Variants in TDP1 observed in about 807,000 individuals in gnomAD.
The protein encoded by TDP1 is tyrosyl-DNA phosphodiesterase 1, also known as tyr-DNA phosphodiesterase 1.
TDP1 carries 64 observed loss-of-function variants against 81.5 expected under a neutral mutation model. That is an observed-to-expected ratio of 0.79 (90% CI 0.64 to 0.97). The LOEUF is 0.97. Among genes scored for constraint, TDP1 ranks in the 50% least tolerant of loss-of-function variants. The pLI, the probability that TDP1 is intolerant of heterozygous loss-of-function variation, is 0.00. For synonymous variants in TDP1, 256 were observed against 264.3 expected (o/e 0.97, Z 0.30); for missense variants, 723 against 743.8 (o/e 0.97, Z 0.33).
intron 6 of TDP1, among the ~76,000 whole-genome samples, chr14:89,971,947 C>T (rs35666995): frequency 0.03 from 4,498 of 152,072 alleles, 101 homozygotes; most frequent in African/African-American, 0.062. Flanking sequence ...AAGGTCTAAA[C>T]AGGAGAGACC....
Position 90,020,222 on chromosome 14 carries a change from T to A in TDP1, c.1644+804T>A, listed in dbSNP as rs150131854. On this transcript the variant is annotated intron_variant, in intron 15 of 16. Transcript: ENST00000335725. ...GAATCACGCTTGACCCAGAGAGATA[T>A]TCTCACCATAAGAGGCACATGGACT... Among the ~76,000 whole-genome samples, 371 of 152,202 alleles carry A rather than the reference T, an allele frequency of 2.4e-3. 1 individual carries two copies. Among genetic ancestry groups the A allele is most frequent in the Admixed American group, 4.2e-3 (64 of 15,300 alleles).
In TDP1 at chr14:90,043,063, C is replaced by A. The variant is rs1266629961; in HGVS notation, c.1754-7C>A. The A allele has an allele frequency of 1.2e-6, 2 of 1,614,042 alleles. No homozygotes were observed. The highest frequency in any genetic ancestry group is 1.7e-6 in the Non-Finnish European group (2 of 1,179,980). On this transcript the variant is annotated splice_polypyrimidine_tract_variant and splice_region_variant and intron_variant, in intron 16 of 16. Coordinates refer to ENST00000335725, the MANE Select transcript of TDP1 (RefSeq NM_018319.4). ...AATAAATATTACGTAATGTGTTTTT[C>A]CCCCAGATCGGCCATGGATATGGAA... is the stretch of plus-strand genomic sequence containing the variant.
At chr14:90,025,262 G>A (rs1193761831) in intron 15 of TDP1, among the ~76,000 whole-genome samples, 1 of 152,212 alleles carries the variant, frequency 6.6e-6, no homozygotes, top group Admixed American at 6.5e-5. Flanking sequence ...GCCGTGTGAT[G>A]TGACACTACT....
rs572401090 is a variant in TDP1 at position 90,011,022 on chromosome 14, G to C, written c.1542-8294G>C. Reference sequence around the variant, plus strand: ...CTGGTGGGAGGTAATTCAGTCATGGGGGTGGGTTTTCCTGTGCTGTTCTCA... The same window carrying C: ...CTGGTGGGAGGTAATTCAGTCATGGCGGTGGGTTTTCCTGTGCTGTTCTCA... On this transcript the variant is annotated intron_variant, in intron 14 of 16. Transcript: ENST00000335725. 2.0e-5 allele frequency among the ~76,000 whole-genome samples: 3 copies of C among 152,234 alleles called. No homozygotes were observed. In the East Asian group the frequency reaches 5.8e-4, roughly 29 times the overall value.
At chr14:90,013,446 G>A (rs1488050287) in intron 14 of TDP1, among the ~76,000 whole-genome samples, 3 of 152,052 alleles carry the variant, frequency 2.0e-5, no homozygotes, top group Admixed American at 6.5e-5. Flanking sequence ...TTTTATAAAG[G>A]GCAGTTCCCT....
intron 15 of TDP1, chr14:90,022,892 A>G: frequency 1.2e-6 from 1 of 846,448 alleles, no homozygotes; most frequent in Non-Finnish European, 1.8e-6. Context: ...TGTGAAGGAG[A>G]GGCTGTCCAA....
intron 15 of TDP1, among the ~76,000 whole-genome samples, chr14:90,031,148 T>C (rs1596704387): frequency 6.6e-6 from 1 of 152,094 alleles, no homozygotes; most frequent in East Asian, 1.9e-4. Flanking sequence ...AGGGTACATG[T>C]GCACAATGTG....
intron 5 of TDP1, among the ~76,000 whole-genome samples, chr14:89,969,196 G>A (rs760079310): frequency 9.2e-5 from 14 of 152,184 alleles, no homozygotes; most frequent in Non-Finnish European, 2.1e-4. Context: ...CTCCCAGTTT[G>A]TGGTGCTTTG....
chr14:90,003,150 C>A (rs1274247884), intron 14 of TDP1, among the ~76,000 whole-genome samples: 2 of 152,110 alleles, frequency 1.3e-5, no homozygotes, highest in African/African-American at 2.4e-5. Flanking sequence ...ATTGGCCAGG[C>A]TGGTCTCGAA....
chr14:89,973,046 C>A (rs1025415275), intron 6 of TDP1, among the ~76,000 whole-genome samples: 1 of 150,306 alleles, frequency 6.7e-6, no homozygotes, highest in African/African-American at 2.5e-5. Flanking sequence ...TAATACAGTA[C>A]AAGAGCTCAA....
intron 16 of TDP1, among the ~76,000 whole-genome samples, chr14:90,039,686 AAG>A (rs912668671): frequency 1.3e-5 from 2 of 152,050 alleles, no homozygotes; most frequent in African/African-American, 4.8e-5. Context: ...AAAAAAAAAA[AAG>A]AAACTGTTAA....
At chr14:89,971,481 G>A (rs1295085740) in intron 6 of TDP1, among the ~76,000 whole-genome samples, 2 of 152,088 alleles carry the variant, frequency 1.3e-5, no homozygotes, top group Non-Finnish European at 2.9e-5. Context: ...CTTTTTGTGG[G>A]CCTGAAGTCT....
chr14:89,992,478 T>G (rs2140133974), intron 13 of TDP1, among the ~76,000 whole-genome samples: 1 of 152,304 alleles, frequency 6.6e-6, no homozygotes, highest in East Asian at 1.9e-4. Context: ...CCACAGCAGT[T>G]GCACAGCCTG....
intron 8 of TDP1, chr14:89,981,664 T>A: frequency 3.2e-6 from 1 of 315,722 alleles, no homozygotes; most frequent in Non-Finnish European, 6.2e-6. Context: ...TCAGCTAAGC[T>A]CTGCTGAGCC....
intron 3 of TDP1, 51 bp from the exon 4 acceptor site, chr14:89,966,096 G>T: frequency 1.6e-6 from 2 of 1,266,484 alleles, no homozygotes; most frequent in South Asian, 2.4e-5. Flanking sequence ...TGATTATTAT[G>T]ACTAGAGGAT....
intron 1 of TDP1, 147 bp downstream of exon 1, chr14:89,956,117 G>C (rs932340039): frequency 1.3e-4 from 20 of 152,576 alleles, no homozygotes; most frequent in Non-Finnish European, 2.0e-4. Context: ...AAGCGGCGCG[G>C]CCGGGAAGAT....
chr14:89,965,981 T>G (rs1185432997), intron 3 of TDP1, 166 bp from the exon 4 acceptor site: 2 of 687,350 alleles, frequency 2.9e-6, no homozygotes, highest in Non-Finnish European at 3.6e-6. Flanking sequence ...GGGAAATTTT[T>G]TTTGAATTTT....
chr14:90,042,724 T>C (rs1248129773), intron 16 of TDP1: 7 of 209,262 alleles, frequency 3.3e-5, no homozygotes, highest in African/African-American at 4.7e-5. Context: ...TGAGACTTAT[T>C]CACTATCATG....
At chr14:90,015,644 T>C (rs1281015099) in intron 14 of TDP1, among the ~76,000 whole-genome samples, 2 of 152,218 alleles carry the variant, frequency 1.3e-5, no homozygotes, top group Admixed American at 6.5e-5. Context: ...GAGGGCCTTC[T>C]TCTGGGCTGC....
Sources: gnomAD v4.1 joint callset for allele counts (sites outside exome capture counted in the v4.1 genomes callset) on GRCh38, gnomAD v4.1.1 for gene constraint, MANE v1.5 for transcripts, NCBI Gene and HGNC (gene_info 2026-07-23, HGNC 2026-07-21) for gene names.